HYCC1: variants seen among roughly 807,000 people sequenced by gnomAD.
HYCC1 encodes the protein hyccin PI4KA lipid kinase complex subunit 1.
chr7:22,973,219 T>C, the HYCC1 span, among the ~76,000 whole-genome samples: 6 of 152,230 alleles, frequency 3.9e-5, no homozygotes, highest in African/African-American at 1.4e-4. Context: ...TAACCATTTC[T>C]AACTTACTTA....
chr7:22,925,695 T>C, the HYCC1 span, among the ~76,000 whole-genome samples: 1 of 152,134 alleles, frequency 6.6e-6, no homozygotes, highest in Admixed American at 6.5e-5. Flanking sequence ...AAAGATCAAA[T>C]CTACATCTAA....
chr7:22,896,807 T>C, the HYCC1 span, among the ~76,000 whole-genome samples: 1 of 152,194 alleles, frequency 6.6e-6, no homozygotes, highest in Non-Finnish European at 1.5e-5. Context: ...CTCTGAACAT[T>C]GGACAAGTCC....
chr7:23,011,875 C>T, the HYCC1 span, among the ~76,000 whole-genome samples: 20 of 152,182 alleles, frequency 1.3e-4, no homozygotes, highest in Admixed American at 2.6e-4. Context: ...CACAACTTGG[C>T]TGTGTGCTCC....
At chr7:22,934,348 G>T in the HYCC1 span, 1 of 151,348 alleles carries the variant, frequency 6.6e-6, no homozygotes, top group African/African-American at 2.4e-5. Flanking sequence ...TCCCAAGTGC[G>T]ATTGGTTTAA....
At chr7:22,990,865 C>G in the HYCC1 span, among the ~76,000 whole-genome samples, 2 of 152,220 alleles carry the variant, frequency 1.3e-5, no homozygotes, top group African/African-American at 4.8e-5. Context: ...ACTCTTTGAA[C>G]CACTTGGGGG....
the HYCC1 span, among the ~76,000 whole-genome samples, chr7:23,001,095 A>G: frequency 6.6e-6 from 1 of 152,158 alleles, no homozygotes; most frequent in African/African-American, 2.4e-5. Context: ...GAAAACACTC[A>G]ATGTGACCAA....
the HYCC1 span, among the ~76,000 whole-genome samples, chr7:22,920,169 A>G: frequency 1.3e-5 from 2 of 151,746 alleles, no homozygotes; most frequent in African/African-American, 4.8e-5. Context: ...TTTTTTGTAG[A>G]TCCTGCCTCC....
the HYCC1 span, among the ~76,000 whole-genome samples, chr7:23,008,263 C>T: frequency 6.6e-6 from 1 of 152,134 alleles, no homozygotes; most frequent in East Asian, 1.9e-4. Context: ...ACTTAATCCT[C>T]TTTATAAAAT....
the HYCC1 span, among the ~76,000 whole-genome samples, chr7:22,896,769 G>A: frequency 6.6e-6 from 1 of 152,224 alleles, no homozygotes; most frequent in East Asian, 1.9e-4. Flanking sequence ...CAGTCTGGGA[G>A]TTCAGAGTGT....
the HYCC1 span, among the ~76,000 whole-genome samples, chr7:22,961,639 T>C: frequency 2.6e-5 from 4 of 152,116 alleles, no homozygotes; most frequent in African/African-American, 9.7e-5. Context: ...AATAATAAAT[T>C]ATATACCTTA....
the HYCC1 span, among the ~76,000 whole-genome samples, chr7:22,923,542 G>C: frequency 6.6e-6 from 1 of 151,952 alleles, no homozygotes; most frequent in Admixed American, 6.6e-5. Flanking sequence ...GAAGAAAATA[G>C]TAAGAATTAG....
the HYCC1 span, among the ~76,000 whole-genome samples, chr7:22,955,361 T>C: frequency 6.6e-6 from 1 of 151,642 alleles, no homozygotes; most frequent in Admixed American, 6.6e-5. Flanking sequence ...TACCTTTATG[T>C]AGTGCTTTAA....
the HYCC1 span, among the ~76,000 whole-genome samples, chr7:22,959,641 G>A: frequency 3.9e-5 from 6 of 152,106 alleles, no homozygotes; most frequent in African/African-American, 1.4e-4. Flanking sequence ...AAAGACAAGG[G>A]AGGGAAATGG....
chr7:22,897,730 CA>C, the HYCC1 span, among the ~76,000 whole-genome samples: 2 of 151,936 alleles, frequency 1.3e-5, no homozygotes, highest in African/African-American at 4.8e-5. Context: ...CCTCAGCTCC[CA>C]AGTAGCTGAG....
At chr7:22,924,827 G>C in the HYCC1 span, among the ~76,000 whole-genome samples, 1 of 152,254 alleles carries the variant, frequency 6.6e-6, no homozygotes, top group Non-Finnish European at 1.5e-5. Context: ...CAGCTTTGAA[G>C]AGAGTAGTGG....
At chr7:22,959,194 T>G in the HYCC1 span, among the ~76,000 whole-genome samples, 1 of 152,134 alleles carries the variant, frequency 6.6e-6, no homozygotes, top group Non-Finnish European at 1.5e-5. Flanking sequence ...TGCTACACTT[T>G]AAAAACACCA....
the HYCC1 span, among the ~76,000 whole-genome samples, chr7:22,996,188 G>A: frequency 6.6e-6 from 1 of 151,604 alleles, no homozygotes; most frequent in South Asian, 2.1e-4. Context: ...AGGTACTTGG[G>A]AGGCTGAGAT....
chr7:22,990,073 C>T, the HYCC1 span, among the ~76,000 whole-genome samples: 3 of 152,176 alleles, frequency 2.0e-5, no homozygotes, highest in Admixed American at 2.0e-4. Flanking sequence ...AACCCAGGTG[C>T]AGAGATATAA....
At chr7:22,971,677 C>CAA in the HYCC1 span, among the ~76,000 whole-genome samples, 4,437 of 91,804 alleles carry the variant, frequency 0.048, 117 homozygotes, top group Non-Finnish European at 0.07. Context: ...CCCCATCTCA[C>CAA]AAAAAAAAAA....
Sources: gnomAD v4.1 joint callset for allele counts (sites outside exome capture counted in the v4.1 genomes callset) on GRCh38, gnomAD v4.1.1 for gene constraint, MANE v1.5 for transcripts, NCBI Gene and HGNC (gene_info 2026-07-23, HGNC 2026-07-21) for gene names.